PRKCH: variants seen among roughly 807,000 people sequenced by gnomAD.
PRKCH encodes the protein protein kinase C eta, also known as protein kinase C eta type.
PRKCH carries 28 observed loss-of-function variants against 82.5 expected under a neutral mutation model. The ratio of observed to expected loss-of-function variants is 0.34; its 90% CI spans 0.25 to 0.47. The LOEUF is 0.47. PRKCH is among the 20% of genes least tolerant of loss of function. PRKCH has a pLI of 1.00. For missense variants in PRKCH, 705 were observed against 881.8 expected (o/e 0.80, Z 2.54); for synonymous variants, 322 against 327.4 (o/e 0.98, Z 0.18).
At chr14:61,262,672 A>C (rs141743984) in intron 1 of PRKCH, among the ~76,000 whole-genome samples, 48 of 152,280 alleles carry the variant, frequency 3.2e-4, no homozygotes, top group African/African-American at 1.1e-3. Flanking sequence ...AGATCTGTAC[A>C]TGGCATTGTA....
At chr14:61,512,941 C>T (rs1043439199) in intron 10 of PRKCH, among the ~76,000 whole-genome samples, 27 of 152,156 alleles carry the variant, frequency 1.8e-4, no homozygotes, top group Non-Finnish European at 1.3e-4. Flanking sequence ...CTCAGTCTCC[C>T]AAGTAGCTGG....
chr14:61,513,168 C>T (rs1464392444), intron 10 of PRKCH, among the ~76,000 whole-genome samples: 1 of 152,146 alleles, frequency 6.6e-6, no homozygotes, highest in Non-Finnish European at 1.5e-5. Context: ...TAGCATCCAC[C>T]ACGCGCAGAA....
At chr14:61,457,903 G>A (rs10134824) in intron 9 of PRKCH, among the ~76,000 whole-genome samples, 5,034 of 152,306 alleles carry the variant, frequency 0.033, 291 homozygotes, top group African/African-American at 0.12. Context: ...AAGGAGCACC[G>A]TGAGGGTTGT....
intron 1 of PRKCH, among the ~76,000 whole-genome samples, chr14:61,256,962 T>G (rs534536020): frequency 4.5e-4 from 68 of 152,328 alleles, no homozygotes; most frequent in African/African-American, 1.6e-3. Context: ...GTGTTTATCT[T>G]GGCCCGCCAT....
intron 2 of PRKCH, among the ~76,000 whole-genome samples, chr14:61,435,723 T>C (rs1225315246): frequency 6.6e-6 from 1 of 151,812 alleles, no homozygotes; most frequent in Non-Finnish European, 1.5e-5. Flanking sequence ...AATGAATGAA[T>C]GAATGAATGA....
chr14:61,310,173 T>C (rs2045511841), intron 1 of PRKCH, among the ~76,000 whole-genome samples: 1 of 152,178 alleles, frequency 6.6e-6, no homozygotes, highest in African/African-American at 2.4e-5. Context: ...TCTTTTCACA[T>C]TTCAAAACCA....
At chr14:61,359,840 T>A (rs1306148710) in intron 1 of PRKCH, among the ~76,000 whole-genome samples, 8 of 152,242 alleles carry the variant, frequency 5.3e-5, no homozygotes, top group Non-Finnish European at 1.2e-4. Context: ...CACATGTAAC[T>A]GATGACTAGT....
At chr14:61,258,396 T>C (rs1483074534) in intron 1 of PRKCH, among the ~76,000 whole-genome samples, 1 of 152,170 alleles carries the variant, frequency 6.6e-6, no homozygotes, top group East Asian at 1.9e-4. Flanking sequence ...AATCACAAGA[T>C]TAAGACATTT....
intron 1 of PRKCH, among the ~76,000 whole-genome samples, chr14:61,326,698 T>C (rs2045701575): frequency 6.6e-6 from 1 of 152,246 alleles, no homozygotes; most frequent in Non-Finnish European, 1.5e-5. Context: ...GAGCCAAGTC[T>C]GACTCTTGAA....
rs138843219 is a variant in PRKCH, at chr14:61,271,761, T to C, written c.-19+84093T>C. Among the ~76,000 whole-genome samples, 153 of 152,338 alleles carry C rather than the reference T, an allele frequency of 1.0e-3. 1 individual carries two copies. The highest frequency in any genetic ancestry group is 3.3e-3 in the Admixed American group (50 of 15,304). ...GAAAGTGCTCAACAAATGGCAGCTATTTGTTTTGTCACTGCTGACTTTGAA... is the reference window on the plus strand; with the variant it reads ...GAAAGTGCTCAACAAATGGCAGCTACTTGTTTTGTCACTGCTGACTTTGAA... On this transcript the variant is annotated intron_variant, in intron 1 of 3. Transcript: ENST00000555185.
At chr14:61,287,393 GAAAGA>G (rs1435387436) in intron 1 of PRKCH, among the ~76,000 whole-genome samples, 4 of 151,884 alleles carry the variant, frequency 2.6e-5, no homozygotes, top group African/African-American at 9.7e-5. Context: ...CTCTGTACTG[GAAAGA>G]AGAGAGGGGG....
intron 1 of PRKCH, among the ~76,000 whole-genome samples, chr14:61,190,498 CA>C (rs1206447484): frequency 6.6e-6 from 1 of 152,158 alleles, no homozygotes; most frequent in African/African-American, 2.4e-5. Flanking sequence ...CAAGAGAAAA[CA>C]AGCAAACAAA....
chr14:61,234,022 C>T (rs896835946), intron 1 of PRKCH, among the ~76,000 whole-genome samples: 14 of 152,228 alleles, frequency 9.2e-5, no homozygotes, highest in Admixed American at 6.5e-4. Flanking sequence ...CTGGTCTACA[C>T]CACAGGTGTA....
intron 10 of PRKCH, among the ~76,000 whole-genome samples, chr14:61,495,841 A>C (rs940430965): frequency 6.6e-6 from 1 of 152,210 alleles, no homozygotes; most frequent in Non-Finnish European, 1.5e-5. Context: ...AAAAGACAAA[A>C]ATATATTGAA....
intron 1 of PRKCH, among the ~76,000 whole-genome samples, chr14:61,375,314 C>T (rs766851392): frequency 6.6e-6 from 1 of 152,042 alleles, no homozygotes; most frequent in African/African-American, 2.4e-5. Context: ...TAGGAAGTTA[C>T]AAGCTTTCCC....
intron 1 of PRKCH, among the ~76,000 whole-genome samples, chr14:61,347,371 C>A (rs1277644258): frequency 6.6e-6 from 1 of 152,190 alleles, no homozygotes; most frequent in East Asian, 1.9e-4. Context: ...AGTGTCACTG[C>A]AGGTCTATTC....
At chr14:61,528,983 T>TGTGTGTGG in intron 10 of PRKCH, 92 bp from the exon 11 acceptor site, 1 of 1,169,850 alleles carries the variant, frequency 8.5e-7, no homozygotes, top group Non-Finnish European at 1.2e-6. Context: ...CGTGTGTGTG[T>TGTGTGTGG]GTGTGTGTGT....
chr14:61,381,786 G>T (rs771196418), intron 1 of PRKCH, among the ~76,000 whole-genome samples: 16 of 152,366 alleles, frequency 1.1e-4, no homozygotes, highest in Admixed American at 2.6e-4. Flanking sequence ...TCTTGCCCAG[G>T]CTCCCAGGGG....
intron 1 of PRKCH, among the ~76,000 whole-genome samples, chr14:61,256,667 C>T (rs993181816): frequency 2.0e-5 from 3 of 152,156 alleles, no homozygotes; most frequent in Non-Finnish European, 2.9e-5. Flanking sequence ...TGGCTGAAAT[C>T]ATTGTTCATT....
Sources: gnomAD v4.1 joint callset for allele counts (sites outside exome capture counted in the v4.1 genomes callset) on GRCh38, gnomAD v4.1.1 for gene constraint, MANE v1.5 for transcripts, NCBI Gene and HGNC (gene_info 2026-07-23, HGNC 2026-07-21) for gene names.